EBF4: variants seen among roughly 807,000 people sequenced by gnomAD.
The protein encoded by EBF4 is transcription factor COE4.
EBF4 carries 34 observed loss-of-function variants against 67.1 expected under a neutral mutation model. The ratio of observed to expected loss-of-function variants is 0.51; its 90% confidence interval spans 0.39 to 0.67. The LOEUF (loss-of-function observed/expected upper bound fraction) is 0.67, where lower values mean the gene tolerates loss of function less well. EBF4 is among the 30% of genes least tolerant of loss of function. EBF4 has a pLI of 0.00. For missense variants in EBF4, 837 were observed against 873.3 expected (o/e 0.96, Z 0.52); for synonymous variants, 387 against 377.7 (o/e 1.02, Z -0.29).
intron 4 of EBF4, among the ~76,000 whole-genome samples, 164 bp downstream of exon 4, chr20:2,706,428 T>C (rs926352805): frequency 2.0e-5 from 3 of 152,160 alleles, no homozygotes; most frequent in African/African-American, 7.2e-5. Context: ...CCGGAGGGTG[T>C]GTGGCTTTTG....
At chr20:2,692,796 C>T, upstream of EBF4, 1 of 137,084 alleles carries the variant, frequency 7.3e-6, no homozygotes, top group Non-Finnish European at 1.4e-5. This position sits in a 1 kb window ranked among gnomAD's most constrained non-coding sequence, Gnocchi z 6.4. Context: ...GGCTACCGCT[C>T]CCCCGGGAGC....
chr20:2,694,738 C>G (rs1445181461), intron 1 of EBF4, among the ~76,000 whole-genome samples: 1 of 152,106 alleles, frequency 6.6e-6, no homozygotes, highest in Non-Finnish European at 1.5e-5. Flanking sequence ...CAGACCGGGC[C>G]TGACACAGGA....
rs761365940 is a variant in EBF4, at chr20:2,707,898, C to T, written c.415-49C>T. ...GGTCCGTCTGTGCTGCCACCTGCAC[C>T]TCAGAGGAGCCTCCTTCCCCTCCAG... On this transcript the variant is annotated intron_variant, in intron 4 of 16. Transcript: ENST00000609451. The surrounding 1 kb of genome is among the most constrained non-coding windows in gnomAD (Gnocchi z 4.6). 1 of 1,524,320 alleles carries T rather than the reference C, an allele frequency of 6.6e-7. No individual in the cohort carries two copies. The highest frequency in any genetic ancestry group is 1.4e-5 in the African/African-American group (1 of 73,024). 94.4% of individuals were successfully genotyped at this position (1,524,320 alleles called of 1,614,324 possible).
At position 2,751,637 on chromosome 20, in the gene EBF4, G is replaced by T; in HGVS notation, c.1019-63G>T. On this transcript the variant is annotated intron_variant, in intron 10 of 16. Transcript: ENST00000609451. The surrounding 1 kb of genome is among the most constrained non-coding windows in gnomAD (Gnocchi z 5.2). ...CGCTGGCCTGCTTTTGGCGCCCTGC[G>T]TCTCACCCTGGGAGTGGGGGGCTGC... 3 of 1,516,990 alleles carry T rather than the reference G, an allele frequency of 2.0e-6. No homozygotes were observed. Among genetic ancestry groups the T allele is most frequent in the African/African-American group, 1.4e-5 (1 of 72,430 alleles). The allele number at this position is 1,516,990 out of a possible 1,614,324, so 94.0% of individuals were successfully genotyped here. A position where few individuals can be genotyped will look rare whatever the true frequency, so the allele number is the denominator to read the frequency against.
intron 6 of EBF4, among the ~76,000 whole-genome samples, 189 bp from the exon 7 acceptor site, chr20:2,748,360 T>C (rs945262830): frequency 6.6e-6 from 1 of 152,114 alleles, no homozygotes; most frequent in African/African-American, 2.4e-5. Flanking sequence ...GTCATTGTGA[T>C]GGGTCTGTCT....
chr20:2,694,714 T>TG (rs1205164051), intron 1 of EBF4, among the ~76,000 whole-genome samples: 1 of 152,070 alleles, frequency 6.6e-6, no homozygotes, highest in Non-Finnish European at 1.5e-5. Flanking sequence ...GGATTCTGAA[T>TG]GGGGGGCTTA....
intron 1 of EBF4, among the ~76,000 whole-genome samples, chr20:2,704,438 G>C (rs2087422460): frequency 6.6e-6 from 1 of 152,192 alleles, no homozygotes; most frequent in Non-Finnish European, 1.5e-5. Context: ...TGGTGTCTGT[G>C]TCCTTCCATG....
At chr20:2,746,995 A>G (rs1054544737) in intron 6 of EBF4, among the ~76,000 whole-genome samples, 25 of 152,346 alleles carry the variant, frequency 1.6e-4, no homozygotes, top group Admixed American at 7.8e-4. Context: ...TTCCGAGTTT[A>G]CCAAGAGTTA....
At chr20:2,714,875 T>C (rs2087588198) in intron 6 of EBF4, among the ~76,000 whole-genome samples, 1 of 152,232 alleles carries the variant, frequency 6.6e-6, no homozygotes, top group Non-Finnish European at 1.5e-5. Flanking sequence ...AAATGTATCC[T>C]GTGGTTGCTT....
At chr20:2,710,116 A>G (rs370412331) in intron 6 of EBF4, among the ~76,000 whole-genome samples, 52 of 152,218 alleles carry the variant, frequency 3.4e-4, no homozygotes, top group Non-Finnish European at 1.0e-4. Context: ...GAGGTGATGC[A>G]TGTAAAAGTG....
Position 2,739,483 on chromosome 20 carries a change from C to T in EBF4, c.558-9066C>T, listed in dbSNP as rs1347811841. Among the ~76,000 whole-genome samples the T allele has an allele frequency of 6.6e-6, 1 of 152,184 alleles. No individual in the cohort carries two copies. The highest frequency in any genetic ancestry group is 6.5e-5 in the Admixed American group (1 of 15,288). On this transcript the variant is annotated intron_variant, in intron 6 of 16. Transcript: ENST00000609451. The surrounding 1 kb of genome is among the most constrained non-coding windows in gnomAD (Gnocchi z 4.5). ...GATTACACTTGGCACATCCTCCTGCCGTGCCCACCACTCTGTCTTCCTGAG... is the reference window on the plus strand; with the variant it reads ...GATTACACTTGGCACATCCTCCTGCTGTGCCCACCACTCTGTCTTCCTGAG...
chr20:2,709,271 A>G (rs1365291931), intron 5 of EBF4, among the ~76,000 whole-genome samples: 1 of 152,106 alleles, frequency 6.6e-6, no homozygotes, highest in East Asian at 1.9e-4. Context: ...GTGCTTCCAT[A>G]GAGAGAAACC....
exon 10 of EBF4, chr20:2,749,877 A>G: frequency 6.4e-7 from 1 of 1,550,988 alleles, no homozygotes; most frequent in Non-Finnish European, 8.7e-7. Flanking sequence ...CCGGGTGCAG[A>G]CGCCCCCGCG....
rs115388988 is a variant in EBF4, at chr20:2,742,526, T to C, written c.558-6023T>C. Among the ~76,000 whole-genome samples, 1,084 of 152,280 alleles carry C rather than the reference T, an allele frequency of 7.1e-3. 13 individuals are homozygous for C. Among genetic ancestry groups the C allele is most frequent in the African/African-American group, 0.025 (1,052 of 41,542 alleles). ...AATGGAAGCTTCTGCGACTTGGCCT[T>C]TCCCTTACTCCCTTTTCTGTGGGGT... On this transcript the variant is annotated intron_variant, in intron 6 of 16. Transcript: ENST00000609451.
At chr20:2,708,632 GC>G (rs1342574767) in intron 5 of EBF4, among the ~76,000 whole-genome samples, 1 of 152,136 alleles carries the variant, frequency 6.6e-6, no homozygotes, top group African/African-American at 2.4e-5. Context: ...AGGCAGGAAG[GC>G]TGAGGCATGA....
chr20:2,759,213 C>T (rs1438620405), intron 16 of EBF4, 55 bp from the exon 17 acceptor site: 1 of 565,466 alleles, frequency 1.8e-6, no homozygotes, highest in East Asian at 2.9e-5. Context: ...CTTCCTGTCC[C>T]CTGGCAGCCA....
At chr20:2,750,044 G>T in intron 10 of EBF4, 71 bp downstream of exon 10, 1 of 1,476,508 alleles carries the variant, frequency 6.8e-7, no homozygotes. Context: ...ACTGGTCTCC[G>T]TTCTTGGTGA....
chr20:2,699,684 G>A (rs1186115408), intron 1 of EBF4, among the ~76,000 whole-genome samples: 1 of 152,232 alleles, frequency 6.6e-6, no homozygotes, highest in East Asian at 1.9e-4. Context: ...TCACTCAGCT[G>A]CATTTCTCTG....
At chr20:2,754,980 A>ACCCGC (rs1407127501) in intron 14 of EBF4, 3 of 97,334 alleles carry the variant, frequency 3.1e-5, no homozygotes, top group East Asian at 5.2e-4. Context: ...ACCCCCCCCC[A>ACCCGC]CAGGGCCCAG....
Sources: allele counts gnomAD v4.1 joint callset (sites outside exome capture counted in the v4.1 genomes callset), GRCh38; gene constraint gnomAD v4.1.1; non-coding constraint Gnocchi (gnomAD v3.1); transcripts MANE v1.5; gene names NCBI Gene and HGNC (gene_info 2026-07-23, HGNC 2026-07-21).